The following LRRC49 variants were observed in gnomAD, a reference collection of about 807,000 sequenced individuals.
LRRC49 encodes the protein leucine rich repeat containing 49, also known as leucine-rich repeat-containing protein 49.
LRRC49 carries 50 observed loss-of-function variants against 83.3 expected under a neutral mutation model. The observed-to-expected ratio is 0.60, with a 90% CI of 0.48 to 0.76. The LOEUF is 0.76. Among genes scored for constraint, LRRC49 ranks in the 30% least tolerant of loss-of-function variants. The pLI is 0.00. For missense variants in LRRC49, 704 were observed against 809.1 expected (o/e 0.87, Z 1.58); for synonymous variants, 286 against 283.3 (o/e 1.01, Z -0.10).
chr15:70,987,172 C>T (rs1294397318), intron 11 of LRRC49, among the ~76,000 whole-genome samples: 1 of 152,164 alleles, frequency 6.6e-6, no homozygotes, highest in Non-Finnish European at 1.5e-5. Flanking sequence ...GGAGGATTCC[C>T]TCTTTTTCTA....
intron 1 of LRRC49, among the ~76,000 whole-genome samples, chr15:70,868,714 C>T (rs948109779): frequency 1.3e-5 from 2 of 152,166 alleles, no homozygotes; most frequent in East Asian, 3.8e-4. Context: ...TGGGTCACCC[C>T]AAATGTGGAA....
chr15:70,940,933 C>T (rs990993284), intron 8 of LRRC49, among the ~76,000 whole-genome samples: 6 of 152,078 alleles, frequency 3.9e-5, no homozygotes, highest in Admixed American at 6.5e-5. Context: ...CGCCTTCAGA[C>T]AAACATTTAA....
At position 71,013,706 on chromosome 15, in the gene LRRC49, G is replaced by A. The variant is rs117788030; in HGVS notation, c.1703+793G>A. Among the ~76,000 whole-genome samples, 360 of 152,278 alleles carry A rather than the reference G, an allele frequency of 2.4e-3. 1 individual carries two copies. Among genetic ancestry groups the A allele is most frequent in the Middle Eastern group, 6.8e-3 (2 of 294 alleles). On this transcript the variant is annotated intron_variant, in intron 14 of 15. Coordinates refer to ENST00000260382, the MANE Select transcript of LRRC49 (RefSeq NM_017691.5). Reference sequence around the variant, plus strand: ...AGTTACAGATCATACAAGTCACTCTGGTTAGAGTAAGCAAGGAATTAGATA... The same window carrying A: ...AGTTACAGATCATACAAGTCACTCTAGTTAGAGTAAGCAAGGAATTAGATA...
At position 71,026,394 on chromosome 15, in the gene LRRC49, C is replaced by T. The variant is rs539727922; in HGVS notation, c.1704-10785C>T. Among the ~76,000 whole-genome samples, 137 of 152,086 alleles carry T rather than the reference C, an allele frequency of 9.0e-4. 1 individual carries two copies. The highest frequency in any genetic ancestry group is 2.9e-3 in the African/African-American group (122 of 41,504). On this transcript the variant is annotated intron_variant, in intron 14 of 15. Transcript: ENST00000260382. ...ATAAACATACATGTGCATGTGTCTT[C>T]GTAGTAGAATGATTTATAATCTTTT...
intron 2 of LRRC49, among the ~76,000 whole-genome samples, chr15:70,876,647 C>A (rs535559387): frequency 1.3e-5 from 2 of 152,288 alleles, no homozygotes; most frequent in South Asian, 4.1e-4. Flanking sequence ...AAAACTCAGT[C>A]ATTGTTTACT....
chr15:70,857,968 G>A (rs1003486481), intron 1 of LRRC49, among the ~76,000 whole-genome samples: 2 of 152,176 alleles, frequency 1.3e-5, no homozygotes, highest in Non-Finnish European at 2.9e-5. Flanking sequence ...ATAAAACTAG[G>A]TTGTTTGTGA....
chr15:70,900,427 T>C (rs1327496351), intron 3 of LRRC49: 1 of 455,902 alleles, frequency 2.2e-6, no homozygotes, highest in Admixed American at 2.4e-5. Flanking sequence ...GTGTATTTCC[T>C]ATGCATCTCA....
At chr15:70,882,132 G>C in intron 2 of LRRC49, 1 of 223,104 alleles carries the variant, frequency 4.5e-6, no homozygotes. Flanking sequence ...CGTTGCTTCT[G>C]AACTAAGCTT....
intron 3 of LRRC49, chr15:70,900,634 A>G (rs2034032904): frequency 4.2e-6 from 2 of 473,844 alleles, no homozygotes; most frequent in Non-Finnish European, 8.3e-6. Context: ...TAAGACAAGG[A>G]GTCAGGATTA....
At chr15:70,926,598 A>C (rs2035209022) in intron 7 of LRRC49, among the ~76,000 whole-genome samples, 1 of 152,058 alleles carries the variant, frequency 6.6e-6, no homozygotes, top group Non-Finnish European at 1.5e-5. Flanking sequence ...TACATGTGCC[A>C]TGTTGGTGTG....
intron 8 of LRRC49, among the ~76,000 whole-genome samples, chr15:70,944,998 T>C (rs985595761): frequency 9.9e-5 from 15 of 152,196 alleles, no homozygotes; most frequent in African/African-American, 3.6e-4. Flanking sequence ...TATATTTTGC[T>C]AGGCTTTGTG....
chr15:70,874,072 G>A (rs895157597), intron 2 of LRRC49, among the ~76,000 whole-genome samples: 1 of 152,136 alleles, frequency 6.6e-6, no homozygotes, highest in Non-Finnish European at 1.5e-5. Context: ...TCCAGCTAGG[G>A]AACCTTCTGT....
At chr15:70,951,146 G>A (rs574951827) in intron 8 of LRRC49, among the ~76,000 whole-genome samples, 1 of 152,218 alleles carries the variant, frequency 6.6e-6, no homozygotes, top group South Asian at 2.1e-4. Flanking sequence ...GTACCATGCT[G>A]TTTCAGTTAC....
intron 9 of LRRC49, among the ~76,000 whole-genome samples, chr15:70,965,872 T>G (rs2036777063): frequency 6.6e-6 from 1 of 152,132 alleles, no homozygotes; most frequent in Non-Finnish European, 1.5e-5. Flanking sequence ...TTTATAACTT[T>G]TTAGTAACTT....
intron 10 of LRRC49, among the ~76,000 whole-genome samples, 187 bp from the exon 11 acceptor site, chr15:70,983,906 AT>A (rs138809769): frequency 0.048 from 7,342 of 152,076 alleles, 588 homozygotes; most frequent in African/African-American, 0.17. Context: ...AATTATTGAG[AT>A]TTTTGGATGC....
chr15:70,978,156 C>T (rs988874680), intron 9 of LRRC49, among the ~76,000 whole-genome samples: 2 of 152,032 alleles, frequency 1.3e-5, no homozygotes, highest in African/African-American at 4.8e-5. Context: ...CATATATATA[C>T]TGGTCAGCAT....
At chr15:70,878,811 A>G (rs2033205312) in intron 2 of LRRC49, among the ~76,000 whole-genome samples, 2 of 152,358 alleles carry the variant, frequency 1.3e-5, no homozygotes, top group South Asian at 4.1e-4. Context: ...CTGTACTTAG[A>G]TGTGATGTAT....
chr15:70,981,092 A>C (rs572463449), intron 10 of LRRC49, among the ~76,000 whole-genome samples: 25 of 152,294 alleles, frequency 1.6e-4, no homozygotes, highest in African/African-American at 4.8e-4. Flanking sequence ...GAGGAAAAGC[A>C]TGGGGAATCA....
At chr15:70,901,058 A>T in intron 4 of LRRC49, 34 bp downstream of exon 4, 1 of 1,247,218 alleles carries the variant, frequency 8.0e-7, no homozygotes, top group Non-Finnish European at 1.2e-6. Flanking sequence ...CTTTTTTTTG[A>T]CTAGGTAATA....
Sources: gnomAD v4.1 joint callset for allele counts (sites outside exome capture counted in the v4.1 genomes callset) on GRCh38, gnomAD v4.1.1 for gene constraint, MANE v1.5 for transcripts, NCBI Gene and HGNC (gene_info 2026-07-23, HGNC 2026-07-21) for gene names.